Variants in ARHGEF9 observed in about 807,000 individuals in gnomAD.
The protein encoded by ARHGEF9 is rho guanine nucleotide exchange factor 9.
A neutral mutation model predicts 41.3 loss-of-function variants in ARHGEF9; 2 were observed. The ratio of observed to expected loss-of-function variants is 0.05; its 90% confidence interval spans 0.02 to 0.15. The LOEUF is 0.15. ARHGEF9 is among the 10% of genes least tolerant of loss of function. The pLI is 1.00. For synonymous variants in ARHGEF9, 160 were observed against 154.4 expected (o/e 1.04, Z -0.27); for missense variants, 225 against 424.7 (o/e 0.53, Z 4.13).
intron 1 of ARHGEF9, among the ~76,000 whole-genome samples, chrX:63,771,516 G>A (rs1346589706): frequency 9.0e-6 from 1 of 111,450 alleles, no homozygotes; most frequent in Non-Finnish European, 1.9e-5. Flanking sequence ...GGTGGACTTT[G>A]AGTAAGGCAG....
In ARHGEF9 at chrX:63,666,457, C is replaced by G. The variant is rs1368132359; in HGVS notation, c.946-440G>C. 4.1e-5 allele frequency among the ~76,000 whole-genome samples: 4 copies of G among 97,425 alleles called. No homozygotes were observed. The Admixed American group carries it at 4.6e-4, about 11-fold the overall frequency. The allele number at this position is 97,425 out of a possible 115,157, so 84.6% of individuals were successfully genotyped here. On this transcript the variant is annotated intron_variant, in intron 6 of 9. Coordinates refer to ENST00000671741, the MANE Select transcript of ARHGEF9 (RefSeq NM_001353921.2). ...ATACACACATATATATATACATACA[C>G]ACACACACACACACACACACACACA...
At chrX:63,642,497 C>T (rs1377418946) in intron 9 of ARHGEF9, 5 of 111,323 alleles carry the variant, frequency 4.5e-5, no homozygotes, top group African/African-American at 9.8e-5. Context: ...GAATCACATT[C>T]GCATGATGAG....
intron 1 of ARHGEF9, among the ~76,000 whole-genome samples, chrX:63,757,463 T>G (rs1390481279): frequency 1.8e-5 from 2 of 111,677 alleles, no homozygotes; most frequent in Non-Finnish European, 3.8e-5. Context: ...TCTTGCTGGT[T>G]TCCTTCTTCC....
chrX:63,680,866 AAACAACAACAAC>A (rs781835684), intron 4 of ARHGEF9, among the ~76,000 whole-genome samples: 1 of 110,375 alleles, frequency 9.1e-6, no homozygotes, highest in Non-Finnish European at 1.9e-5. Flanking sequence ...ACAAACAAAC[AAACAACAACAAC>A]AACAACAACA....
intron 2 of ARHGEF9, among the ~76,000 whole-genome samples, chrX:63,707,754 A>G (rs2052651855): frequency 9.0e-6 from 1 of 111,187 alleles, no homozygotes; most frequent in African/African-American, 3.3e-5. Flanking sequence ...ACTCGGGGGG[A>G]AGAGGCTTTG....
chrX:63,685,855 A>G (rs1486948313), intron 4 of ARHGEF9, among the ~76,000 whole-genome samples: 2 of 111,982 alleles, frequency 1.8e-5, no homozygotes, highest in South Asian at 3.6e-4. Context: ...TATTTTTAAA[A>G]AAGTAGAAAA....
chrX:63,639,518 T>C (rs1266630307), intron 9 of ARHGEF9: 1 of 111,964 alleles, frequency 8.9e-6, no homozygotes, highest in African/African-American at 3.2e-5. Context: ...AGCCAGGATA[T>C]TGACATTATA....
intron 9 of ARHGEF9, among the ~76,000 whole-genome samples, chrX:63,643,248 A>G (rs1556308317): frequency 1.8e-5 from 2 of 112,061 alleles, no homozygotes. Flanking sequence ...GAGAAAGAGA[A>G]TATCTGAATC....
intron 1 of ARHGEF9, among the ~76,000 whole-genome samples, chrX:63,725,326 T>C (rs188458687): frequency 1.8e-5 from 2 of 111,488 alleles, no homozygotes; most frequent in African/African-American, 6.5e-5. Context: ...CTGTGATGCC[T>C]TGTACCCAAG....
At chrX:63,726,191 T>TA (rs372408130) in intron 1 of ARHGEF9, among the ~76,000 whole-genome samples, 3,777 of 112,018 alleles carry the variant, frequency 0.034, 100 homozygotes, top group African/African-American at 0.085. Context: ...TCAGGATAGA[T>TA]AAAAAATAAA....
At chrX:63,655,461 C>A (rs1476961071) in intron 8 of ARHGEF9, 33 bp downstream of exon 8, 1 of 1,208,262 alleles carries the variant, frequency 8.3e-7, no homozygotes, top group Non-Finnish European at 1.1e-6. Context: ...TTCTTCATAG[C>A]CATGTTCTTC....
chrX:63,708,141 A>G (rs782509805), intron 2 of ARHGEF9, among the ~76,000 whole-genome samples: 2 of 111,528 alleles, frequency 1.8e-5, no homozygotes, highest in East Asian at 2.8e-4. Context: ...GGCAAAAAAA[A>G]AAAGTGATTT....
intron 4 of ARHGEF9, among the ~76,000 whole-genome samples, chrX:63,688,387 T>C (rs1181626348): frequency 8.9e-6 from 1 of 112,103 alleles, no homozygotes; most frequent in Non-Finnish European, 1.9e-5. Context: ...AGTTGTTCAA[T>C]CTTAAAAGAA....
intron 1 of ARHGEF9, among the ~76,000 whole-genome samples, chrX:63,784,694 C>T (rs2056433562): frequency 9.0e-6 from 1 of 111,009 alleles, no homozygotes; most frequent in Admixed American, 9.5e-5. Flanking sequence ...CCATAAGGCC[C>T]CCTCCACAAT....
chrX:63,662,087 G>C (rs1602283314), intron 7 of ARHGEF9, among the ~76,000 whole-genome samples: 1 of 111,589 alleles, frequency 9.0e-6, no homozygotes, highest in African/African-American at 3.3e-5. Flanking sequence ...GGTAAGATGA[G>C]ATTAATGAGT....
intron 3 of ARHGEF9, among the ~76,000 whole-genome samples, chrX:63,700,387 A>G (rs1409146866): frequency 1.8e-5 from 2 of 111,609 alleles, no homozygotes; most frequent in African/African-American, 3.3e-5. Context: ...TGGCTATCAA[A>G]TTTTCCACAT....
intron 8 of ARHGEF9, 111 bp downstream of exon 8, chrX:63,655,383 A>T: frequency 9.1e-7 from 1 of 1,101,140 alleles, no homozygotes; most frequent in Non-Finnish European, 1.2e-6. Context: ...AAAGTAGCTT[A>T]AGTCAGTTTG....
intron 2 of ARHGEF9, chrX:63,719,736 G>T (rs1306809512): frequency 6.8e-6 from 2 of 295,752 alleles, no homozygotes; most frequent in Non-Finnish European, 1.2e-5. Context: ...GCTTGCTGGT[G>T]CCAGGAGATA....
chrX:63,648,253 C>A (rs1243918207), intron 8 of ARHGEF9, among the ~76,000 whole-genome samples: 11 of 111,540 alleles, frequency 9.9e-5, no homozygotes, highest in Non-Finnish European at 1.9e-4. Context: ...GCGGATCTCT[C>A]GGCAGAAACT....
Sources: allele counts gnomAD v4.1 joint callset (sites outside exome capture counted in the v4.1 genomes callset), GRCh38; gene constraint gnomAD v4.1.1; transcripts MANE v1.5; gene names NCBI Gene and HGNC (gene_info 2026-07-23, HGNC 2026-07-21).